MAF: variants seen among roughly 807,000 people sequenced by gnomAD.
MAF encodes the protein transcription factor Maf.
Under a neutral mutation model 22.0 loss-of-function variants are expected in MAF, and 10 were observed. That is an observed-to-expected ratio of 0.45 (90% CI 0.28 to 0.77). MAF has a LOEUF of 0.77. Among genes scored for constraint, MAF ranks in the 30% least tolerant of loss-of-function variants. The pLI is 0.12. For missense variants in MAF, 544 were observed against 548.4 expected (o/e 0.99, Z 0.08); for synonymous variants, 337 against 255.8 (o/e 1.32, Z -3.03).
the MAF span, among the ~76,000 whole-genome samples, chr16:79,396,937 G>T: frequency 6.6e-6 from 1 of 152,254 alleles, no homozygotes; most frequent in Non-Finnish European, 1.5e-5. Context: ...GTGGCCAGGA[G>T]CCTGGGCACT....
chr16:79,210,568 T>C, the MAF span, among the ~76,000 whole-genome samples: 1 of 152,082 alleles, frequency 6.6e-6, no homozygotes, highest in Non-Finnish European at 1.5e-5. Context: ...TTGCAACCCC[T>C]CTCCCTCTCA....
chr16:79,393,099 A>T, the MAF span, among the ~76,000 whole-genome samples: 1 of 152,242 alleles, frequency 6.6e-6, no homozygotes, highest in Non-Finnish European at 1.5e-5. Flanking sequence ...CCTGGCAGGA[A>T]ATCTATGCAG....
chr16:79,370,719 C>T, the MAF span, among the ~76,000 whole-genome samples: 1 of 152,208 alleles, frequency 6.6e-6, no homozygotes, highest in Non-Finnish European at 1.5e-5. Flanking sequence ...ATCAGATCCA[C>T]TGCTTTTCTC....
chr16:79,383,980 G>A, the MAF span, among the ~76,000 whole-genome samples: 18 of 152,300 alleles, frequency 1.2e-4, no homozygotes, highest in African/African-American at 4.3e-4. Flanking sequence ...TCCAAAGGGC[G>A]TGGGTTGGCC....
chr16:79,327,159 T>G, the MAF span, among the ~76,000 whole-genome samples: 206 of 152,096 alleles, frequency 1.4e-3, no homozygotes, highest in African/African-American at 4.8e-3. Flanking sequence ...TGTAAAAAGG[T>G]TTTTAAAAGC....
At chr16:79,448,642 G>C in the MAF span, among the ~76,000 whole-genome samples, 424 of 151,910 alleles carry the variant, frequency 2.8e-3, 2 homozygotes, top group African/African-American at 9.3e-3. Context: ...GTCCAGGCTG[G>C]TCTCAAGCTC....
the MAF span, among the ~76,000 whole-genome samples, chr16:79,215,638 G>A: frequency 3.3e-5 from 5 of 152,242 alleles, no homozygotes; most frequent in East Asian, 7.7e-4. Flanking sequence ...AGGCCTCGGG[G>A]AACTTTGTAA....
the MAF span, among the ~76,000 whole-genome samples, chr16:79,213,705 T>G: frequency 1.3e-5 from 2 of 151,624 alleles, no homozygotes; most frequent in African/African-American, 4.9e-5. Context: ...TAGTTAGACA[T>G]GTAAGTGAGG....
the MAF span, among the ~76,000 whole-genome samples, chr16:79,293,053 A>G: frequency 1.2e-4 from 19 of 152,358 alleles, 1 homozygote; most frequent in South Asian, 2.1e-3. Context: ...TACTCAAATG[A>G]GTAGCCCATG....
the MAF span, among the ~76,000 whole-genome samples, chr16:79,287,450 G>A: frequency 1.3e-4 from 20 of 152,210 alleles, no homozygotes; most frequent in African/African-American, 4.6e-4. Flanking sequence ...AGGACCAGCA[G>A]CTGGCGGTAA....
At chr16:79,524,595 T>G in the MAF span, among the ~76,000 whole-genome samples, 1 of 152,242 alleles carries the variant, frequency 6.6e-6, no homozygotes, top group South Asian at 2.1e-4. Flanking sequence ...TTGGTTGCAT[T>G]ATACATTTTT....
the MAF span, among the ~76,000 whole-genome samples, chr16:79,396,016 C>G: frequency 1.3e-5 from 2 of 152,188 alleles, no homozygotes; most frequent in East Asian, 1.9e-4. Flanking sequence ...AGCTTTTCCT[C>G]AATGTCTTGG....
the MAF span, among the ~76,000 whole-genome samples, chr16:79,226,730 G>T: frequency 6.6e-6 from 1 of 151,842 alleles, no homozygotes; most frequent in Non-Finnish European, 1.5e-5. Context: ...TTTTTCTTAG[G>T]CTCATCTATA....
At chr16:79,562,588 C>T in the MAF span, among the ~76,000 whole-genome samples, 1 of 152,168 alleles carries the variant, frequency 6.6e-6, no homozygotes, top group Non-Finnish European at 1.5e-5. Context: ...GTCTTTCAGC[C>T]TTGTCCCTGA....
the MAF span, among the ~76,000 whole-genome samples, chr16:79,418,745 G>A: frequency 6.6e-5 from 10 of 152,160 alleles, no homozygotes; most frequent in South Asian, 1.9e-3. Flanking sequence ...ACTTATTGTC[G>A]CTAAGATTTA....
the MAF span, among the ~76,000 whole-genome samples, chr16:79,403,225 T>G: frequency 2.0e-5 from 3 of 152,210 alleles, no homozygotes; most frequent in Non-Finnish European, 4.4e-5. Flanking sequence ...CTAAAATGTA[T>G]GCCCATCAAA....
chr16:79,258,717 A>G, the MAF span, among the ~76,000 whole-genome samples: 1 of 152,202 alleles, frequency 6.6e-6, no homozygotes, highest in Non-Finnish European at 1.5e-5. Flanking sequence ...GGCACCCAGC[A>G]AACTTGAACT....
chr16:79,297,553 G>A, the MAF span, among the ~76,000 whole-genome samples: 1 of 152,152 alleles, frequency 6.6e-6, no homozygotes, highest in Admixed American at 6.5e-5. Context: ...TAGAACTTCA[G>A]CTTCCCCGGC....
At chr16:79,453,571 G>A in the MAF span, among the ~76,000 whole-genome samples, 1 of 152,184 alleles carries the variant, frequency 6.6e-6, no homozygotes, top group Non-Finnish European at 1.5e-5. Context: ...AGAATAGCTA[G>A]AAAAGAAACT....
Sources: gnomAD v4.1 joint callset for allele counts (sites outside exome capture counted in the v4.1 genomes callset) on GRCh38, gnomAD v4.1.1 for gene constraint, MANE v1.5 for transcripts, NCBI Gene and HGNC (gene_info 2026-07-23, HGNC 2026-07-21) for gene names.